The following MAN2A1 variants were observed in gnomAD, a reference collection of about 807,000 sequenced individuals.
The protein encoded by MAN2A1 is mannosidase alpha class 2A member 1.
MAN2A1 carries 76 observed loss-of-function variants against 142.6 expected under a neutral mutation model. The ratio of observed to expected loss-of-function variants is 0.53; its 90% confidence interval spans 0.44 to 0.65. The LOEUF (loss-of-function observed/expected upper bound fraction) is 0.65, where lower values mean the gene tolerates loss of function less well. Ranked by LOEUF, MAN2A1 falls within the 30% of genes least tolerant of loss-of-function variation. MAN2A1 has a pLI of 0.00. For synonymous variants in MAN2A1, 559 were observed against 473.2 expected, an observed-to-expected ratio of 1.18 and a Z score of -2.35; for missense variants, 1,311 against 1,365.1, an observed-to-expected ratio of 0.96 and a Z score of 0.62.
In MAN2A1 at chr5:109,780,715, A is replaced by G. The variant is rs535870306; in HGVS notation, c.1375-681A>G. ...TTTGTAGAATAGTTTGAACTCATAA[A>G]AACGAATTTCTTACTGCTGATTTAA... On this transcript the variant is annotated intron_variant, in intron 8 of 21. Coordinates refer to ENST00000261483, the MANE Select transcript of MAN2A1 (RefSeq NM_002372.4). 4.6e-5 allele frequency among the ~76,000 whole-genome samples: 7 copies of G among 152,286 alleles called. No homozygotes were observed. In the East Asian group the frequency reaches 1.4e-3, roughly 29 times the overall value.
intron 3 of MAN2A1, among the ~76,000 whole-genome samples, chr5:109,724,940 A>C (rs1309927797): frequency 6.6e-6 from 1 of 152,196 alleles, no homozygotes; most frequent in East Asian, 1.9e-4. Context: ...TTTCTAGCTG[A>C]AGTAATAAAT....
intron 3 of MAN2A1, among the ~76,000 whole-genome samples, chr5:109,723,420 GTCT>G (rs1269242417): frequency 2.0e-5 from 3 of 152,180 alleles, no homozygotes. Flanking sequence ...ATCTGTGACT[GTCT>G]TCTTACCCTC....
intron 16 of MAN2A1, among the ~76,000 whole-genome samples, chr5:109,837,398 A>G (rs186222521): frequency 5.4e-4 from 82 of 152,088 alleles, no homozygotes; most frequent in Non-Finnish European, 9.9e-4. Context: ...CAAAAACAAA[A>G]TCTGGAGGTC....
chr5:109,860,002 G>A (rs1755716249), intron 20 of MAN2A1, among the ~76,000 whole-genome samples: 1 of 148,110 alleles, frequency 6.8e-6, no homozygotes, highest in Admixed American at 6.8e-5. Flanking sequence ...GTGTTTAACT[G>A]TTTCTTGCAA....
At chr5:109,822,058 T>G (rs1754638414) in intron 15 of MAN2A1, among the ~76,000 whole-genome samples, 1 of 151,992 alleles carries the variant, frequency 6.6e-6, no homozygotes, top group Non-Finnish European at 1.5e-5. Context: ...TTATGAAACC[T>G]GCTAACTAAA....
chr5:109,811,833 C>T (rs189673922), intron 12 of MAN2A1, among the ~76,000 whole-genome samples: 1 of 152,252 alleles, frequency 6.6e-6, no homozygotes, highest in Admixed American at 6.5e-5. Context: ...TGCTTTTTAA[C>T]TTAGCCATAA....
At chr5:109,856,905 A>G (rs930755223) in intron 20 of MAN2A1, among the ~76,000 whole-genome samples, 2 of 152,228 alleles carry the variant, frequency 1.3e-5, no homozygotes, top group Admixed American at 1.3e-4. Flanking sequence ...TCTAGAGCTT[A>G]GATTCTAATG....
chr5:109,738,936 T>G (rs1386491560), intron 4 of MAN2A1, among the ~76,000 whole-genome samples: 5 of 152,094 alleles, frequency 3.3e-5, no homozygotes, highest in African/African-American at 9.7e-5. Flanking sequence ...CTCAACCTCC[T>G]GGGCTCAGGT....
In MAN2A1 at chr5:109,848,972, T is replaced by A. The variant is rs574479959; in HGVS notation, c.2976+1182T>A. Among the ~76,000 whole-genome samples, 27 of 152,330 alleles carry A rather than the reference T, an allele frequency of 1.8e-4. No homozygotes were observed. The South Asian group carries it at 3.7e-3, about 21-fold the overall frequency. On this transcript the variant is annotated intron_variant, in intron 19 of 21. Transcript: ENST00000261483. Reference sequence around the variant, plus strand: ...TATTCTGAAAGAGCTCTTTCCGATGTCAGTAGATCCAGTGCATATTGACTT... The same window carrying A: ...TATTCTGAAAGAGCTCTTTCCGATGACAGTAGATCCAGTGCATATTGACTT...
At chr5:109,827,194 G>C (rs1363503138) in intron 16 of MAN2A1, among the ~76,000 whole-genome samples, 1 of 152,124 alleles carries the variant, frequency 6.6e-6, no homozygotes, top group Non-Finnish European at 1.5e-5. Flanking sequence ...ATTACATACT[G>C]TAATTGTATT....
Position 109,713,534 on chromosome 5 carries a change from G to A in MAN2A1, c.150G>A (p.Met50Ile). ...TTTTATTGTAGGGCCAGCTCTCAATGTTGCAAGAAAAAATAGACCATTTGG... is the reference window on the plus strand; with the variant it reads ...TTTTATTGTAGGGCCAGCTCTCAATATTGCAAGAAAAAATAGACCATTTGG... ...EGSFPQGQLS[M>I]LQEKIDHLER... Residue 50 changes from methionine to isoleucine, a missense_variant, in exon 2 of 22, where the codon ATG (methionine) becomes ATA (isoleucine). Coordinates refer to ENST00000261483, the MANE Select transcript of MAN2A1 (RefSeq NM_002372.4). 1.2e-6 allele frequency: 2 copies of A among 1,607,590 alleles called. No individual in the cohort carries two copies. The highest frequency in any genetic ancestry group is 1.1e-5 in the South Asian group (1 of 90,828).
chr5:109,744,441 A>C (rs1162375039), intron 4 of MAN2A1, among the ~76,000 whole-genome samples: 1 of 152,072 alleles, frequency 6.6e-6, no homozygotes, highest in African/African-American at 2.4e-5. Context: ...TAACAAGGGC[A>C]TGTTTGAACA....
At chr5:109,771,925 A>G (rs771101577) in intron 7 of MAN2A1, among the ~76,000 whole-genome samples, 1 of 152,070 alleles carries the variant, frequency 6.6e-6, no homozygotes, top group Admixed American at 6.6e-5. Flanking sequence ...GAGGCACATT[A>G]TTGAGGAAAA....
chr5:109,741,802 A>G (rs945472075), intron 4 of MAN2A1, among the ~76,000 whole-genome samples: 4 of 152,198 alleles, frequency 2.6e-5, no homozygotes, highest in Admixed American at 6.5e-5. Context: ...TACGTAAACA[A>G]CATCTATATT....
chr5:109,757,356 G>A (rs1212140491), intron 5 of MAN2A1, among the ~76,000 whole-genome samples: 1 of 152,120 alleles, frequency 6.6e-6, no homozygotes, highest in Non-Finnish European at 1.5e-5. Flanking sequence ...AATCTTAAAT[G>A]TAGAGGTCAG....
chr5:109,756,028 T>C (rs563156261), intron 5 of MAN2A1, among the ~76,000 whole-genome samples: 1 of 152,138 alleles, frequency 6.6e-6, no homozygotes, highest in Admixed American at 6.6e-5. Flanking sequence ...TGGCCCAACT[T>C]GAGTCAGTTC....
chr5:109,703,461 A>G (rs993713133), intron 1 of MAN2A1, among the ~76,000 whole-genome samples: 2 of 152,222 alleles, frequency 1.3e-5, no homozygotes, highest in Admixed American at 6.5e-5. Context: ...CTAGCTGAGA[A>G]TTGTTAAGGC....
At chr5:109,709,164 T>C (rs1348037849) in intron 1 of MAN2A1, among the ~76,000 whole-genome samples, 1 of 68,512 alleles carries the variant, frequency 1.5e-5, no homozygotes, top group African/African-American at 1.3e-4. Context: ...CACAGGAGGG[T>C]GGAAGCACAG....
At chr5:109,699,726 T>C (rs954714725) in intron 1 of MAN2A1, 1 of 158,310 alleles carries the variant, frequency 6.3e-6, no homozygotes, top group African/African-American at 2.4e-5. Flanking sequence ...GGGGCTCACA[T>C]AGAGTGGTGA....
Sources: allele counts gnomAD v4.1 joint callset (sites outside exome capture counted in the v4.1 genomes callset), GRCh38; gene constraint gnomAD v4.1.1; transcripts MANE v1.5; gene names NCBI Gene and HGNC (gene_info 2026-07-23, HGNC 2026-07-21).